Variants in DENND11 observed in about 807,000 individuals in gnomAD.
The protein encoded by DENND11 is DENN domain-containing protein 11.
Under a neutral mutation model 49.2 loss-of-function variants are expected in DENND11, and 34 were observed. The ratio of observed to expected loss-of-function variants is 0.69; its 90% CI spans 0.53 to 0.92. The LOEUF is 0.92. Among genes scored for constraint, DENND11 ranks in the 40% least tolerant of loss-of-function variants. The pLI is 0.00. For missense variants in DENND11, 475 were observed against 581.6 expected (o/e 0.82, Z 1.88); for synonymous variants, 238 against 230.3 (o/e 1.03, Z -0.30).
At chr7:141,690,488 CT>C (rs757950145) in intron 1 of DENND11, among the ~76,000 whole-genome samples, 10 of 152,160 alleles carry the variant, frequency 6.6e-5, no homozygotes, top group Non-Finnish European at 1.2e-4. Context: ...AAAGAACAGC[CT>C]TATATAGATT....
intron 2 of DENND11, among the ~76,000 whole-genome samples, chr7:141,686,032 T>G (rs1423673806): frequency 6.6e-6 from 1 of 152,220 alleles, no homozygotes; most frequent in Non-Finnish European, 1.5e-5. Context: ...GCTCTGATAT[T>G]TTTCACTGAG....
Position 141,661,107 on chromosome 7 carries a change from T to C in DENND11, c.*1549A>G, listed in dbSNP as rs1196175605. 1 of 152,242 alleles carries C rather than the reference T, an allele frequency of 6.6e-6. No homozygotes were observed. Among genetic ancestry groups the C allele is most frequent in the Non-Finnish European group, 1.5e-5 (1 of 68,048 alleles). The allele number at this position is 152,242 out of a possible 1,614,324, so 9.4% of individuals were successfully genotyped here. On this transcript the variant is annotated 3_prime_UTR_variant, in exon 9 of 9. Coordinates refer to ENST00000536163, the MANE Select transcript of DENND11 (RefSeq NM_001080392.2). ...CTAAGAATCTTATCTTGAGATGAGA[T>C]GTGTGAACCACCATTTGAATGTTAT...
At chr7:141,678,635 C>T (rs1372921219) in intron 3 of DENND11, among the ~76,000 whole-genome samples, 1 of 152,150 alleles carries the variant, frequency 6.6e-6, no homozygotes, top group African/African-American at 2.4e-5. Flanking sequence ...TAAAGAAAAT[C>T]CCACCTCATA....
intron 5 of DENND11, among the ~76,000 whole-genome samples, chr7:141,665,640 G>A (rs1042692311): frequency 1.3e-5 from 2 of 148,716 alleles, no homozygotes; most frequent in East Asian, 1.9e-4. Flanking sequence ...CCTTCTGCCT[G>A]TCCCTCCCTA....
intron 5 of DENND11, among the ~76,000 whole-genome samples, chr7:141,665,857 A>C (rs1240671621): frequency 2.6e-5 from 4 of 151,680 alleles, no homozygotes; most frequent in African/African-American, 4.8e-5. Flanking sequence ...TGAAGGTCTC[A>C]AGGCAGCACA....
At chr7:141,698,715 A>G (rs956125297) in intron 1 of DENND11, among the ~76,000 whole-genome samples, 2 of 152,150 alleles carry the variant, frequency 1.3e-5, no homozygotes, top group Non-Finnish European at 2.9e-5. Context: ...CACTGCATAT[A>G]TTCCTGCTCA....
Position 141,662,318 on chromosome 7 carries a change from G to A in DENND11, c.*338C>T, listed in dbSNP as rs1032225541. The A allele has an allele frequency of 7.7e-6, 2 of 259,046 alleles. No individual in the cohort carries two copies. Among genetic ancestry groups the A allele is most frequent in the Non-Finnish European group, 1.4e-5 (2 of 138,096 alleles). 16.0% of individuals were successfully genotyped at this position (259,046 alleles called of 1,614,324 possible). On this transcript the variant is annotated 3_prime_UTR_variant, in exon 9 of 9. Transcript: ENST00000536163. ...ATTCTCAAATACATCAAGGGACAAA[G>A]ACCACACAGACTTTCTGAACAGTCC...
In DENND11 at chr7:141,685,601, C is replaced by G. The variant is rs1798227154; in HGVS notation, c.404G>C (p.Cys135Ser). Residue 135 changes from cysteine to serine, a missense_variant, in exon 3 of 9, where the codon TGC (cysteine) becomes TCC (serine). Coordinates refer to ENST00000536163, the MANE Select transcript of DENND11 (RefSeq NM_001080392.2). ...GCTCTCCACGGGCATGTTGGCAAAG[C>G]AGGCCAGGCCGAAGAAGGGCCCCTT... is the stretch of plus-strand genomic sequence containing the variant. ...FRKGPFFGLA[C>S]FANMPVESEL... is the part of the protein sequence containing the mutation. 1 of 1,614,030 alleles carries G rather than the reference C, an allele frequency of 6.2e-7. No individual in the cohort carries two copies. Among genetic ancestry groups the G allele is most frequent in the Non-Finnish European group, 8.5e-7 (1 of 1,179,892 alleles).
intron 3 of DENND11, among the ~76,000 whole-genome samples, chr7:141,674,517 A>T (rs761937452): frequency 6.6e-6 from 1 of 152,162 alleles, no homozygotes; most frequent in Non-Finnish European, 1.5e-5. Context: ...ACTAATGTCT[A>T]TTGTTCTTGA....
intron 1 of DENND11, among the ~76,000 whole-genome samples, chr7:141,690,897 C>T (rs1247674895): frequency 6.6e-6 from 1 of 151,992 alleles, no homozygotes; most frequent in Non-Finnish European, 1.5e-5. Flanking sequence ...TAATGTTTCC[C>T]CAAATTATCT....
chr7:141,697,054 A>G (rs751607264), intron 1 of DENND11, among the ~76,000 whole-genome samples: 33 of 152,224 alleles, frequency 2.2e-4, no homozygotes, highest in Non-Finnish European at 3.4e-4. Context: ...CACAGATCCC[A>G]TATCATTCTC....
chr7:141,660,407 T>A lies in DENND11; in HGVS notation c.*2249A>T, dbSNP rs1457374205. 6.6e-6 allele frequency: 1 copy of A among 152,104 alleles called. No homozygotes were observed. Among genetic ancestry groups the A allele is most frequent in the African/African-American group, 2.4e-5 (1 of 41,402 alleles). The allele number at this position is 152,104 out of a possible 1,614,324, so 9.4% of individuals were successfully genotyped here. On this transcript the variant is annotated 3_prime_UTR_variant, in exon 9 of 9. Coordinates refer to ENST00000536163, the MANE Select transcript of DENND11 (RefSeq NM_001080392.2). ...GCAGGAGGGTGGACACGTGGAGATG[T>A]GAGACAGAAAGCTACCGAGACAAGC...
At chr7:141,689,127 T>C (rs1316620836) in intron 1 of DENND11, among the ~76,000 whole-genome samples, 2 of 152,194 alleles carry the variant, frequency 1.3e-5, no homozygotes, top group Non-Finnish European at 2.9e-5. Flanking sequence ...TATATTGAAG[T>C]ATAGCATAAG....
chr7:141,685,425 G>T, intron 3 of DENND11, 53 bp downstream of exon 3: 1 of 1,600,292 alleles, frequency 6.2e-7, no homozygotes. Flanking sequence ...CGTGCCATAT[G>T]CACCAGCTGG....
rs376282908 is a variant in DENND11, at chr7:141,669,071, C to G, written c.682-2646G>C. Among the ~76,000 whole-genome samples the G allele has an allele frequency of 2.5e-3, 387 of 152,246 alleles. 3 individuals carry two copies. Among genetic ancestry groups the G allele is most frequent in the African/African-American group, 8.8e-3 (366 of 41,548 alleles). ...CCCTCCACTCCCGGGGCCCAGCCCC[C>G]CTCCCCTGTATCCCTCTCCCACTCC... On this transcript the variant is annotated intron_variant, in intron 4 of 8. Transcript: ENST00000536163.
intron 3 of DENND11, among the ~76,000 whole-genome samples, chr7:141,683,799 G>A (rs2117070273): frequency 6.6e-6 from 1 of 152,262 alleles, no homozygotes; most frequent in South Asian, 2.1e-4. Context: ...GCATCCTCAG[G>A]GGAAGAAGAA....
At chr7:141,665,394 C>CA in intron 5 of DENND11, 76 bp from the exon 6 acceptor site, 1 of 1,570,582 alleles carries the variant, frequency 6.4e-7, no homozygotes, top group Non-Finnish European at 8.7e-7. Flanking sequence ...TGCGGCTCAA[C>CA]ACCTCTGCTC....
intron 1 of DENND11, among the ~76,000 whole-genome samples, chr7:141,698,589 G>A (rs1017863134): frequency 6.6e-6 from 1 of 152,120 alleles, no homozygotes; most frequent in Non-Finnish European, 1.5e-5. Context: ...TGAGTCTGAT[G>A]GAAATAAGCT....
chr7:141,698,639 C>G (rs1384923894), intron 1 of DENND11, among the ~76,000 whole-genome samples: 1 of 152,134 alleles, frequency 6.6e-6, no homozygotes, highest in Non-Finnish European at 1.5e-5. Context: ...GATGGCCAGC[C>G]TAGCTTTCCA....
Sources: gnomAD v4.1 joint callset for allele counts (sites outside exome capture counted in the v4.1 genomes callset) on GRCh38, gnomAD v4.1.1 for gene constraint, MANE v1.5 for transcripts, NCBI Gene and HGNC (gene_info 2026-07-23, HGNC 2026-07-21) for gene names.